The following PRKN variants were observed in gnomAD, a reference collection of about 807,000 sequenced individuals.
The protein encoded by PRKN is parkin RBR E3 ubiquitin protein ligase, also known as E3 ubiquitin-protein ligase parkin.
PRKN carries 56 observed loss-of-function variants against 59.5 expected under a neutral mutation model. The observed-to-expected ratio is 0.94, with a 90% CI of 0.76 to 1.18. The LOEUF is 1.18. Ranked by LOEUF, PRKN falls within the 50% of genes most tolerant of loss-of-function variation. The pLI is 0.00. For missense variants in PRKN, 657 were observed against 596.4 expected, an observed-to-expected ratio of 1.10 and a Z score of -1.06; for synonymous variants, 250 against 222.1, an observed-to-expected ratio of 1.13 and a Z score of -1.12.
In PRKN at chr6:161,802,527, C is replaced by A. The variant is rs116067380; in HGVS notation, c.735-16619G>T. ...ACATGCCCCACACACACCTGGCTCCCAGCCTTTCTCCGGCTCCTCCTGTGC... is the reference window on the plus strand; with the variant it reads ...ACATGCCCCACACACACCTGGCTCCAAGCCTTTCTCCGGCTCCTCCTGTGC... On this transcript the variant is annotated intron_variant, in intron 6 of 11. Transcript: ENST00000366898. 6.7e-3 allele frequency among the ~76,000 whole-genome samples: 1,018 copies of A among 152,190 alleles called. 12 individuals are homozygous for A. The highest frequency in any genetic ancestry group is 0.023 in the African/African-American group (973 of 41,530).
rs1787251266 is a variant in PRKN, at chr6:161,405,917, G to A, written c.1084-19040C>T. ...TTGGAAAATGATGCTTTTCTTTGCT[G>A]AAGAGGAATGTCAAGTTAATTTCAA... On this transcript the variant is annotated intron_variant, in intron 9 of 11. Transcript: ENST00000366898. The surrounding 1 kb of genome is among the most constrained non-coding windows in gnomAD (Gnocchi z 5.1). Among the ~76,000 whole-genome samples, 1 of 152,008 alleles carries A rather than the reference G, an allele frequency of 6.6e-6. No individual in the cohort carries two copies. Among genetic ancestry groups the A allele is most frequent in the Admixed American group, 6.6e-5 (1 of 15,260 alleles).
intron 7 of PRKN, among the ~76,000 whole-genome samples, chr6:161,607,191 T>C (rs1438078061): frequency 6.6e-6 from 1 of 152,188 alleles, no homozygotes; most frequent in Non-Finnish European, 1.5e-5. Context: ...GTGTGCCCCT[T>C]CCTCACATCC....
chr6:162,227,245 C>T (rs190290071), intron 3 of PRKN, among the ~76,000 whole-genome samples: 29 of 152,294 alleles, frequency 1.9e-4, no homozygotes, highest in Non-Finnish European at 3.1e-4. Flanking sequence ...ACACCCTTTA[C>T]TCATTGACTA....
intron 9 of PRKN, among the ~76,000 whole-genome samples, chr6:161,531,380 CAAAAA>C (rs532305875): frequency 8.4e-6 from 1 of 118,590 alleles, no homozygotes; most frequent in Non-Finnish European, 1.8e-5. Context: ...GACTCCGTCT[CAAAAA>C]AAAAAAAAAA....
chr6:162,394,135 A>C (rs1286890841), intron 2 of PRKN, among the ~76,000 whole-genome samples: 2 of 152,204 alleles, frequency 1.3e-5, no homozygotes, highest in African/African-American at 2.4e-5. Flanking sequence ...TATTTGAGAA[A>C]GAATTCCTTG....
At chr6:161,911,306 G>A (rs1778352278) in intron 6 of PRKN, among the ~76,000 whole-genome samples, 1 of 151,484 alleles carries the variant, frequency 6.6e-6, no homozygotes, top group African/African-American at 2.4e-5. Flanking sequence ...TGACAGGCTG[G>A]TGGAATGACT....
intron 6 of PRKN, among the ~76,000 whole-genome samples, chr6:161,848,659 G>A (rs1472360965): frequency 6.6e-6 from 1 of 152,110 alleles, no homozygotes; most frequent in African/African-American, 2.4e-5. Flanking sequence ...ACTAGGCCCT[G>A]GTTATGCTAA....
At chr6:162,053,862 C>A (rs980783551) in intron 5 of PRKN, among the ~76,000 whole-genome samples, 4 of 152,178 alleles carry the variant, frequency 2.6e-5, no homozygotes, top group Non-Finnish European at 5.9e-5. Context: ...CACATTTCCA[C>A]ACGGTCCCCC....
intron 6 of PRKN, among the ~76,000 whole-genome samples, chr6:161,927,428 A>C (rs9458421): frequency 0.043 from 6,525 of 152,266 alleles, 448 homozygotes; most frequent in African/African-American, 0.15. Context: ...ACAGGGTAAA[A>C]TAACTTACAC....
At chr6:161,476,118 C>T (rs7762286) in intron 9 of PRKN, among the ~76,000 whole-genome samples, 34,107 of 149,758 alleles carry the variant, frequency 0.23, 4,244 homozygotes, top group African/African-American at 0.33. Flanking sequence ...ACCCGGGAGG[C>T]GGAGCTTGCA....
intron 7 of PRKN, among the ~76,000 whole-genome samples, chr6:161,707,109 T>G (rs1470534869): frequency 6.6e-6 from 1 of 152,200 alleles, no homozygotes; most frequent in African/African-American, 2.4e-5. Context: ...CAATGCTAGT[T>G]CAGTTTAAAA....
intron 8 of PRKN, among the ~76,000 whole-genome samples, chr6:161,559,311 T>G (rs550334571): frequency 1.3e-5 from 2 of 152,290 alleles, no homozygotes; most frequent in East Asian, 3.9e-4. Flanking sequence ...CTACAAAGGC[T>G]GTTTTCCTCA....
intron 5 of PRKN, among the ~76,000 whole-genome samples, chr6:161,989,319 C>T (rs1442460044): frequency 1.3e-5 from 2 of 152,192 alleles, no homozygotes; most frequent in Non-Finnish European, 2.9e-5. Context: ...TTACCCGTTA[C>T]AGCTGGTGCC....
At chr6:161,719,757 C>A (rs538064631) in intron 7 of PRKN, among the ~76,000 whole-genome samples, 1 of 152,080 alleles carries the variant, frequency 6.6e-6, no homozygotes, top group Non-Finnish European at 1.5e-5. Flanking sequence ...CTGCTGAGTA[C>A]CTGGGACTAC....
chr6:162,711,231 G>A (rs950299289), intron 1 of PRKN, among the ~76,000 whole-genome samples: 10 of 152,328 alleles, frequency 6.6e-5, no homozygotes, highest in Middle Eastern at 3.4e-3. Flanking sequence ...TGCTGTAAAT[G>A]ACTTGTCTGC....
chr6:162,115,246 C>T (rs1332280056), intron 4 of PRKN, among the ~76,000 whole-genome samples: 1 of 148,160 alleles, frequency 6.7e-6, no homozygotes, highest in African/African-American at 2.5e-5. Flanking sequence ...ATCGCAAGAA[C>T]AAAAAACCAA....
intron 1 of PRKN, among the ~76,000 whole-genome samples, chr6:162,455,566 T>C (rs1265907132): frequency 6.6e-6 from 1 of 152,110 alleles, no homozygotes; most frequent in African/African-American, 2.4e-5. Flanking sequence ...GGGACCACCA[T>C]CATATATGTG....
At chr6:161,436,554 G>A (rs966365469) in intron 9 of PRKN, among the ~76,000 whole-genome samples, 1 of 151,912 alleles carries the variant, frequency 6.6e-6, no homozygotes, top group African/African-American at 2.4e-5. Flanking sequence ...TAATGTCCTG[G>A]TAGGTTCCTG....
chr6:162,533,769 G>A (rs917949443), intron 1 of PRKN, among the ~76,000 whole-genome samples: 2 of 151,926 alleles, frequency 1.3e-5, no homozygotes, highest in African/African-American at 4.8e-5. Flanking sequence ...TCAGGAGTTC[G>A]AGATCAGCCT....
Sources: gnomAD v4.1 joint callset for allele counts (sites outside exome capture counted in the v4.1 genomes callset) on GRCh38, gnomAD v4.1.1 for gene constraint, Gnocchi (gnomAD v3.1) non-coding constraint, MANE v1.5 for transcripts, NCBI Gene and HGNC (gene_info 2026-07-23, HGNC 2026-07-21) for gene names.